The following EBF2 variants were observed in gnomAD, a reference collection of about 807,000 sequenced individuals.
The protein encoded by EBF2 is EBF transcription factor 2, also known as transcription factor COE2.
In EBF2, 21 loss-of-function variants were observed where a neutral mutation model predicts 72.8. The observed-to-expected ratio is 0.29, with a 90% CI of 0.20 to 0.42. The LOEUF (loss-of-function observed/expected upper bound fraction) is 0.42, where lower values mean the gene tolerates loss of function less well. EBF2 is among the 10% of genes least tolerant of loss of function. EBF2 has a pLI of 1.00. For synonymous variants in EBF2, 299 were observed against 274.2 expected, an observed-to-expected ratio of 1.09 and a Z score of -0.89; for missense variants, 637 against 731.2, an observed-to-expected ratio of 0.87 and a Z score of 1.49.
At chr8:25,846,345 A>T (rs942098464) in intron 15 of EBF2, among the ~76,000 whole-genome samples, 1 of 152,152 alleles carries the variant, frequency 6.6e-6, no homozygotes, top group Admixed American at 6.5e-5. Context: ...AATGAGGTAG[A>T]AGGTGGAACC....
intron 6 of EBF2, among the ~76,000 whole-genome samples, chr8:25,935,048 G>C (rs73553985): frequency 2.0e-5 from 3 of 152,266 alleles, no homozygotes; most frequent in Non-Finnish European, 2.9e-5. Context: ...CAGCGGGCAG[G>C]ATCCCAACGC....
intron 6 of EBF2, among the ~76,000 whole-genome samples, chr8:25,923,845 T>A (rs1223320892): frequency 6.6e-6 from 1 of 152,204 alleles, no homozygotes; most frequent in African/African-American, 2.4e-5. Flanking sequence ...GCTAGGCCAA[T>A]TGACTTTGAT....
At chr8:25,910,311 T>C (rs1198931332) in intron 6 of EBF2, among the ~76,000 whole-genome samples, 1 of 152,150 alleles carries the variant, frequency 6.6e-6, no homozygotes, top group Non-Finnish European at 1.5e-5. Context: ...TTCCCACTTG[T>C]GTGTGTTTCT....
intron 10 of EBF2, among the ~76,000 whole-genome samples, chr8:25,865,045 C>T (rs1802285573): frequency 6.6e-6 from 1 of 152,116 alleles, no homozygotes; most frequent in Non-Finnish European, 1.5e-5. Context: ...TCGTGATCCG[C>T]CTGCCTCGGC....
Position 25,850,712 on chromosome 8 carries a change from G to A in EBF2, c.1578C>T (p.Leu526=), listed in dbSNP as rs746046165. 4 of 1,559,074 alleles carry A rather than the reference G, an allele frequency of 2.6e-6. No individual in the cohort carries two copies. Among genetic ancestry groups the A allele is most frequent in the South Asian group, 2.4e-5 (2 of 81,854 alleles). ...CAGGAAAAACTGAAGAGGAAAATGG[G>A]AGGATGGAGGATGTGCTGGAAGACC... ...TVGSSSTSSI[L]PFSSSVFPAV... is the part of the protein sequence containing the mutation. Residue 526 remains leucine (L), a synonymous_variant, in exon 15 of 16, where the codon CTC becomes CTT. Transcript: ENST00000520164.
At chr8:25,937,689 A>G (rs137902389) in intron 6 of EBF2, among the ~76,000 whole-genome samples, 1 of 152,296 alleles carries the variant, frequency 6.6e-6, no homozygotes, top group East Asian at 1.9e-4. Flanking sequence ...TTATGTTTAT[A>G]TATGTCCTTC....
chr8:25,944,720 A>G (rs1036851466), intron 6 of EBF2, among the ~76,000 whole-genome samples: 4 of 147,978 alleles, frequency 2.7e-5, no homozygotes, highest in African/African-American at 7.4e-5. Flanking sequence ...ATATATACAT[A>G]TGATTATATG....
chr8:26,031,281 A>C (rs1343812095), intron 6 of EBF2, among the ~76,000 whole-genome samples: 1 of 152,080 alleles, frequency 6.6e-6, no homozygotes, highest in Non-Finnish European at 1.5e-5. Flanking sequence ...CCAGTCTCCC[A>C]GAGAATCCCT....
intron 6 of EBF2, among the ~76,000 whole-genome samples, chr8:25,964,280 A>G (rs1442640774): frequency 2.0e-5 from 3 of 152,178 alleles, no homozygotes; most frequent in Non-Finnish European, 4.4e-5. Context: ...ATTAGAAACA[A>G]AAAATTAAGA....
At chr8:25,901,681 G>A (rs914745017) in intron 7 of EBF2, among the ~76,000 whole-genome samples, 2 of 152,154 alleles carry the variant, frequency 1.3e-5, no homozygotes, top group African/African-American at 4.8e-5. Context: ...TGATGCTGTG[G>A]AAAGCTCAGA....
intron 6 of EBF2, among the ~76,000 whole-genome samples, chr8:25,941,752 T>C (rs192681477): frequency 2.6e-5 from 4 of 152,162 alleles, no homozygotes; most frequent in African/African-American, 9.6e-5. Context: ...CCCACACCCA[T>C]ACCTGCCCCT....
At chr8:25,968,521 G>T (rs745767071) in intron 6 of EBF2, among the ~76,000 whole-genome samples, 1 of 152,182 alleles carries the variant, frequency 6.6e-6, no homozygotes, top group Non-Finnish European at 1.5e-5. Flanking sequence ...GTTGCCAGTA[G>T]CTGGGGGGAG....
chr8:26,007,383 G>A (rs889723074), intron 6 of EBF2, among the ~76,000 whole-genome samples: 2 of 152,030 alleles, frequency 1.3e-5, no homozygotes, highest in Non-Finnish European at 2.9e-5. Flanking sequence ...GTCCCACTGG[G>A]AAACTAGAGA....
chr8:25,846,069 T>A (rs1217833113), intron 15 of EBF2, among the ~76,000 whole-genome samples: 1 of 152,214 alleles, frequency 6.6e-6, no homozygotes, highest in Non-Finnish European at 1.5e-5. Context: ...GAGATCTGGA[T>A]TAAGGTCTTA....
intron 6 of EBF2, among the ~76,000 whole-genome samples, chr8:25,954,940 C>G (rs1803919788): frequency 6.6e-6 from 1 of 152,240 alleles, no homozygotes; most frequent in African/African-American, 2.4e-5. Context: ...GTGACTGCGG[C>G]TGGCTAGGGA....
At chr8:25,988,402 C>T (rs1049444711) in intron 6 of EBF2, among the ~76,000 whole-genome samples, 10 of 152,180 alleles carry the variant, frequency 6.6e-5, no homozygotes, top group Non-Finnish European at 1.2e-4. Flanking sequence ...TTTTATAAGT[C>T]CATATACGCA....
chr8:25,940,239 G>A (rs1803646896), intron 6 of EBF2, among the ~76,000 whole-genome samples: 1 of 152,208 alleles, frequency 6.6e-6, no homozygotes, highest in African/African-American at 2.4e-5. Flanking sequence ...TGTTTGAAGA[G>A]TATTTTACAC....
rs141293009 is a variant in EBF2, at chr8:25,953,519, G to A, written c.552-44964C>T. Among the ~76,000 whole-genome samples, 359 of 152,312 alleles carry A rather than the reference G, an allele frequency of 2.4e-3. 2 individuals are homozygous for A. Among genetic ancestry groups the A allele is most frequent in the African/African-American group, 8.3e-3 (347 of 41,576 alleles). ...TGCTTTGCCTCCCAGAATGGGTGGTGGAACCCATTTCCATTGATCTTCCAG... is the reference window on the plus strand; with the variant it reads ...TGCTTTGCCTCCCAGAATGGGTGGTAGAACCCATTTCCATTGATCTTCCAG... On this transcript the variant is annotated intron_variant, in intron 6 of 15. Coordinates refer to ENST00000520164, the MANE Select transcript of EBF2 (RefSeq NM_022659.4).
intron 7 of EBF2, among the ~76,000 whole-genome samples, chr8:25,895,545 A>G (rs1802852147): frequency 6.6e-6 from 1 of 152,260 alleles, no homozygotes; most frequent in South Asian, 2.1e-4. Flanking sequence ...AGTTTTAAGA[A>G]CGGAATCTAC....
Sources: allele counts gnomAD v4.1 joint callset (sites outside exome capture counted in the v4.1 genomes callset), GRCh38; gene constraint gnomAD v4.1.1; transcripts MANE v1.5; gene names NCBI Gene and HGNC (gene_info 2026-07-23, HGNC 2026-07-21).